The following SAE1 variants were observed in gnomAD, a reference collection of about 807,000 sequenced individuals.
SAE1 encodes SUMO1 activating enzyme subunit 1.
SAE1 carries 11 observed loss-of-function variants against 40.6 expected under a neutral mutation model. The observed-to-expected ratio is 0.27, with a 90% CI of 0.17 to 0.45. SAE1 has a LOEUF of 0.45. Ranked by LOEUF, SAE1 falls within the 20% of genes least tolerant of loss-of-function variation. SAE1 has a pLI of 1.00. For missense variants in SAE1, 373 were observed against 427.3 expected (o/e 0.87, Z 1.12); for synonymous variants, 155 against 154.3 (o/e 1.00, Z -0.03).
At chr19:47,201,098 A>G (rs894106836) in intron 7 of SAE1, among the ~76,000 whole-genome samples, 2 of 150,666 alleles carry the variant, frequency 1.3e-5, no homozygotes, top group African/African-American at 4.9e-5. Context: ...CTAGAGTGCA[A>G]TGGCCCGATC....
intron 6 of SAE1, among the ~76,000 whole-genome samples, chr19:47,193,825 CAA>C (rs1174941973): frequency 1.1e-4 from 10 of 87,748 alleles, no homozygotes; most frequent in Admixed American, 1.3e-4. Context: ...AAGATTGTCT[CAA>C]AAAAAAAAAA....
In SAE1 at chr19:47,183,607, C is replaced by CT. The variant is rs1249609875; in HGVS notation, c.734-13619dup. Among the ~76,000 whole-genome samples the CT allele has an allele frequency of 2.6e-5, 4 of 152,242 alleles. No individual in the cohort carries two copies. In the East Asian group the frequency reaches 7.7e-4, roughly 29 times the overall value. ...GCAACATTGTCAGCAACCTGCCTTG[C>CT]TTTTTTTCTTAGCAGGCCCACATCT... On this transcript the variant is annotated intron_variant, in intron 6 of 8. Transcript: ENST00000270225.
intron 6 of SAE1, among the ~76,000 whole-genome samples, chr19:47,181,413 A>C (rs1049761454): frequency 2.0e-5 from 3 of 151,482 alleles, no homozygotes; most frequent in Non-Finnish European, 4.4e-5. Context: ...TACAGTTATG[A>C]TAATTGTCTC....
Position 47,182,464 on chromosome 19 carries a change from AGTGTGTGT to A in SAE1, c.733+12567_733+12574del, listed in dbSNP as rs113149127. 4.7e-3 allele frequency among the ~76,000 whole-genome samples: 675 copies of A among 144,452 alleles called. 4 individuals carry two copies. The highest frequency in any genetic ancestry group is 0.015 in the African/African-American group (589 of 39,538). 94.8% of individuals were successfully genotyped at this position (144,452 alleles called of 152,430 possible). A position where few individuals can be genotyped will look rare whatever the true frequency, so the allele number is the denominator to read the frequency against. On this transcript the variant is annotated intron_variant, in intron 6 of 8. Coordinates refer to ENST00000270225, the MANE Select transcript of SAE1 (RefSeq NM_005500.3). ...TTTGTAAGGAAAAAGAAAAAAGCGTAGTGTGTGTGTGTGTGTGTGTGTGTGTGTGTGTG... is the reference window on the plus strand; with the variant it reads ...TTTGTAAGGAAAAAGAAAAAAGCGTAGTGTGTGTGTGTGTGTGTGTGTGTG...
chr19:47,177,256 G>A (rs1326251152), intron 6 of SAE1, among the ~76,000 whole-genome samples: 2 of 152,228 alleles, frequency 1.3e-5, no homozygotes, highest in Non-Finnish European at 2.9e-5. Flanking sequence ...AATAGAATAA[G>A]TGTTCTTGCC....
At chr19:47,153,688 CT>C (rs1422159701) in intron 4 of SAE1, among the ~76,000 whole-genome samples, 1 of 152,094 alleles carries the variant, frequency 6.6e-6, no homozygotes, top group African/African-American at 2.4e-5. Context: ...AGTTTCTTGC[CT>C]GTAAAATCAA....
chr19:47,140,104 A>AT lies in SAE1; in HGVS notation c.99-3376dup, dbSNP rs1211393505. On this transcript the variant is annotated intron_variant, in intron 1 of 8. Transcript: ENST00000270225. Reference sequence around the variant, plus strand: ...AGGCGCCTGCCACCACTCCCGGCTAATTTTTTTTTTTTTTCTTTTTGAAAC... The same window carrying AT: ...AGGCGCCTGCCACCACTCCCGGCTAATTTTTTTTTTTTTTTCTTTTTGAAAC... Among the ~76,000 whole-genome samples, 1,201 of 135,148 alleles carry AT rather than the reference A, an allele frequency of 8.9e-3. 13 individuals carry two copies. The highest frequency in any genetic ancestry group is 0.025 in the African/African-American group (934 of 36,642). The allele number at this position is 135,148 out of a possible 152,430, so 88.7% of individuals were successfully genotyped here.
chr19:47,155,153 A>C lies in SAE1; in HGVS notation c.567A>C (p.Glu189Asp), dbSNP rs201971364. The C allele has an allele frequency of 1.9e-5, 31 of 1,613,976 alleles. No homozygotes were observed. Among genetic ancestry groups the C allele is most frequent in the Non-Finnish European group, 2.5e-5 (30 of 1,179,958 alleles). ...TTGCCAAAGTTAGCCAAGGAGTAGA[A>C]GATGGGCCCGACACCAAGAGAGCAA... Reference protein sequence around the residue: ...TKVAKVSQGVEDGPDTKRAKL... With the variant: ...TKVAKVSQGVDDGPDTKRAKL... Residue 189 changes from glutamate (E) to aspartate (D), a missense_variant, in exon 5 of 9, where the codon GAA becomes GAC. Transcript: ENST00000270225.
intron 2 of SAE1, among the ~76,000 whole-genome samples, chr19:47,145,079 T>C (rs2058247178): frequency 6.6e-6 from 1 of 151,988 alleles, no homozygotes; most frequent in African/African-American, 2.4e-5. Context: ...CTTGGCTCAC[T>C]GCAACCTCTG....
chr19:47,181,003 A>G (rs1284853436), intron 6 of SAE1, among the ~76,000 whole-genome samples: 1 of 152,030 alleles, frequency 6.6e-6, no homozygotes, highest in African/African-American at 2.4e-5. Context: ...TTTTGCTCTA[A>G]AGGATGTTAG....
chr19:47,143,521 C>A lies in SAE1; in HGVS notation c.126C>A (p.Val42=). Residue 42 remains valine, a synonymous_variant, in exon 2 of 9, where the codon GTC becomes GTA. Transcript: ENST00000270225. ...TGCGGGCCTCTCGGGTGCTTCTTGT[C>A]GGCTTGAAAGGACTTGGGGCTGAAA... ...KRLRASRVLL[V]GLKGLGAEIA... is the part of the protein sequence containing the mutation. 1 of 1,614,032 alleles carries A rather than the reference C, an allele frequency of 6.2e-7. No individual in the cohort carries two copies. Among genetic ancestry groups the A allele is most frequent in the Non-Finnish European group, 8.5e-7 (1 of 1,179,986 alleles).
intron 2 of SAE1, among the ~76,000 whole-genome samples, chr19:47,148,725 C>T (rs541100069): frequency 2.6e-5 from 4 of 151,662 alleles, no homozygotes; most frequent in Admixed American, 2.6e-4. Context: ...AGCGATTCTC[C>T]TGCCTCAGCC....
At chr19:47,193,847 AAAG>A (rs1203188920) in intron 6 of SAE1, among the ~76,000 whole-genome samples, 3 of 93,398 alleles carry the variant, frequency 3.2e-5, no homozygotes, top group Non-Finnish European at 6.6e-5. Flanking sequence ...AAAAGAAAGA[AAAG>A]AAAAAGAAAA....
chr19:47,142,856 G>A (rs1178708557), intron 1 of SAE1, among the ~76,000 whole-genome samples: 2 of 152,142 alleles, frequency 1.3e-5, no homozygotes, highest in Non-Finnish European at 2.9e-5. Context: ...CATCATTCTT[G>A]ATTCTTGTCA....
At chr19:47,162,951 C>T (rs1305105847) in intron 5 of SAE1, among the ~76,000 whole-genome samples, 3 of 152,040 alleles carry the variant, frequency 2.0e-5, no homozygotes, top group Non-Finnish European at 4.4e-5. Context: ...GAGATTGTGC[C>T]ACTGTAGTAC....
At chr19:47,174,998 C>T (rs550095991) in intron 6 of SAE1, among the ~76,000 whole-genome samples, 4 of 151,960 alleles carry the variant, frequency 2.6e-5, no homozygotes, top group South Asian at 4.1e-4. Context: ...CGTGAGGCAC[C>T]GTGCCCGGCA....
intron 5 of SAE1, among the ~76,000 whole-genome samples, chr19:47,161,061 G>T (rs571844330): frequency 2.6e-5 from 4 of 152,166 alleles, no homozygotes; most frequent in Admixed American, 2.6e-4. Context: ...GAGTGCAGTG[G>T]CACAAACACA....
chr19:47,157,299 G>T (rs185579553), intron 5 of SAE1, among the ~76,000 whole-genome samples: 10 of 152,230 alleles, frequency 6.6e-5, no homozygotes, highest in Admixed American at 2.0e-4. Context: ...TTCTTTTTGA[G>T]GCCCAGTCAA....
chr19:47,135,619 C>A (rs1009470590), intron 1 of SAE1: 3 of 152,102 alleles, frequency 2.0e-5, no homozygotes, highest in Non-Finnish European at 1.5e-5. Context: ...ATCCTCCCAC[C>A]TCAGCCTCCC....
Sources: allele counts gnomAD v4.1 joint callset (sites outside exome capture counted in the v4.1 genomes callset), GRCh38; gene constraint gnomAD v4.1.1; transcripts MANE v1.5; gene names NCBI Gene and HGNC (gene_info 2026-07-23, HGNC 2026-07-21).